Variants in CCDC18 observed in about 807,000 individuals in gnomAD.
The protein encoded by CCDC18 is coiled-coil domain containing 18.
Under a neutral mutation model 196.0 loss-of-function variants are expected in CCDC18, and 157 were observed. The observed-to-expected ratio is 0.80, with a 90% CI of 0.70 to 0.91. The LOEUF is 0.91. Among genes scored for constraint, CCDC18 ranks in the 40% least tolerant of loss-of-function variants. CCDC18 has a pLI of 0.00. For missense variants in CCDC18, 1,465 were observed against 1,611.6 expected (o/e 0.91, Z 1.56); for synonymous variants, 482 against 529.2 (o/e 0.91, Z 1.22).
rs934372233 is a variant in CCDC18 at position 93,182,284 on chromosome 1, G to C, written c.-2-1076G>C. On this transcript the variant is annotated intron_variant, in intron 1 of 28. Coordinates refer to ENST00000690025, the MANE Select transcript of CCDC18 (RefSeq NM_001378204.1). ...CCCTACATCTGAGAATTTTTGAGTG[G>C]GGAATAAATGTAACATACCATTCTA... is the stretch of plus-strand genomic sequence containing the variant. 3.9e-5 allele frequency among the ~76,000 whole-genome samples: 6 copies of C among 152,152 alleles called. No individual in the cohort carries two copies. In the South Asian group the frequency reaches 1.2e-3, roughly 32 times the overall value.
intron 28 of CCDC18, 24 bp downstream of exon 28, chr1:93,270,838 C>G (rs1665194877): frequency 2.1e-6 from 3 of 1,396,990 alleles, no homozygotes; most frequent in Middle Eastern, 2.5e-4. Flanking sequence ...ACACTGTAAA[C>G]TGTAATAATT....
At chr1:93,222,655 T>C (rs182528423) in intron 16 of CCDC18, among the ~76,000 whole-genome samples, 270 of 152,318 alleles carry the variant, frequency 1.8e-3, no homozygotes, top group Non-Finnish European at 2.8e-3. Flanking sequence ...CCAGGTTATT[T>C]AACTCTTTGA....
chr1:93,225,316 G>C (rs1392708028), intron 16 of CCDC18, among the ~76,000 whole-genome samples: 3 of 152,196 alleles, frequency 2.0e-5, no homozygotes, highest in Non-Finnish European at 4.4e-5. Flanking sequence ...AATTTGAGTT[G>C]CTCTTTGGTA....
chr1:93,207,313 A>G lies in CCDC18; in HGVS notation c.1124A>G (p.Asn375Ser), dbSNP rs958260544. 3.1e-6 allele frequency: 5 copies of G among 1,613,560 alleles called. No individual in the cohort carries two copies. Among genetic ancestry groups the G allele is most frequent in the Non-Finnish European group, 3.4e-6 (4 of 1,179,622 alleles). The change falls in exon 9 of 29, where the codon AAT (asparagine) becomes AGT (serine). Residue 375 changes from asparagine (N) to serine (S), a missense_variant. Coordinates refer to ENST00000690025, the MANE Select transcript of CCDC18 (RefSeq NM_001378204.1). ...TTAAAGGTCCGTGTTGCAGCACAGA[A>G]TGAGCGACTAGATTTATGTCAACAA... ...RELKVRVAAQNERLDLCQQEI... is the reference protein window; with the variant it reads ...RELKVRVAAQSERLDLCQQEI...
At chr1:93,241,040 C>T (rs896412320) in intron 21 of CCDC18, among the ~76,000 whole-genome samples, 1 of 152,112 alleles carries the variant, frequency 6.6e-6, no homozygotes, top group African/African-American at 2.4e-5. Context: ...TCACTGCAGC[C>T]TCCACCTCCT....
At chr1:93,224,680 A>T (rs1391931440) in intron 16 of CCDC18, among the ~76,000 whole-genome samples, 1 of 152,236 alleles carries the variant, frequency 6.6e-6, no homozygotes, top group Non-Finnish European at 1.5e-5. Flanking sequence ...TAATTAGCAA[A>T]CTAACTTTGG....
rs958145384 is a variant in CCDC18, at chr1:93,186,422, T to G, written c.381T>G (p.Asn127Lys). 1.1e-4 allele frequency: 184 copies of G among 1,612,158 alleles called. No individual in the cohort carries two copies. Among genetic ancestry groups the G allele is most frequent in the Non-Finnish European group, 1.5e-4 (178 of 1,178,776 alleles). Residue 127 changes from asparagine (N) to lysine (K), a missense_variant, in exon 4 of 29, where the codon AAT (asparagine) becomes AAG (lysine). Physicochemically the swap from Asn to Lys is moderately conservative, Grantham distance 94. Coordinates refer to ENST00000690025, the MANE Select transcript of CCDC18 (RefSeq NM_001378204.1). The stretch of plus-strand genomic sequence containing the variant: ...AACTAAATAAACTTAGGCAACAGAA[T>G]GCTTGTTTGGTCACACAGAATCATT... ...REKLNKLRQQNACLVTQNHSL... is the reference protein window; with the variant it reads ...REKLNKLRQQKACLVTQNHSL...
intron 4 of CCDC18, among the ~76,000 whole-genome samples, chr1:93,188,057 T>C (rs1651021770): frequency 6.6e-6 from 1 of 152,182 alleles, no homozygotes; most frequent in South Asian, 2.1e-4. Context: ...CTAATAGCAT[T>C]TTGAACCTTT....
In CCDC18 at chr1:93,258,796, C is replaced by A. The variant is rs183806092; in HGVS notation, c.3595C>A (p.Arg1199Ser). 2.5e-6 allele frequency: 4 copies of A among 1,591,630 alleles called. No homozygotes were observed. The highest frequency in any genetic ancestry group is 3.4e-6 in the Non-Finnish European group (4 of 1,169,332). ...LAEELGASKV[R>S]EAHLEARMQA... ...TGAAGAACTGGGGGCTTCTAAAGTA[C>A]GTGAAGCTCATTTAGAAGCAAGAAT... The change falls in exon 26 of 29, where the codon CGT becomes AGT. Residue 1199 changes from arginine to serine, a missense_variant. Coordinates refer to ENST00000690025, the MANE Select transcript of CCDC18 (RefSeq NM_001378204.1).
chr1:93,203,909 G>T (rs1654271869), intron 7 of CCDC18, among the ~76,000 whole-genome samples: 1 of 152,160 alleles, frequency 6.6e-6, no homozygotes, highest in Non-Finnish European at 1.5e-5. Context: ...GGAGTCATTG[G>T]ATACTTTGTA....
chr1:93,223,900 TAC>T (rs60165485), intron 16 of CCDC18, among the ~76,000 whole-genome samples: 30,946 of 140,932 alleles, frequency 0.22, 3,744 homozygotes, highest in East Asian at 0.33. Flanking sequence ...CATTTATTTA[TAC>T]ACACACACAC....
At chr1:93,273,295 C>T (rs892304014) in intron 28 of CCDC18, among the ~76,000 whole-genome samples, 5 of 152,194 alleles carry the variant, frequency 3.3e-5, no homozygotes, top group African/African-American at 1.2e-4. Context: ...GTCTCGATCT[C>T]CTGACCTCGT....
At chr1:93,230,482 A>C (rs1390124005) in intron 17 of CCDC18, among the ~76,000 whole-genome samples, 1 of 150,096 alleles carries the variant, frequency 6.7e-6, no homozygotes, top group Non-Finnish European at 1.5e-5. Flanking sequence ...GCAAAGGAAG[A>C]CTCCATCTCA....
chr1:93,186,528 CA>C, intron 4 of CCDC18, 25 bp downstream of exon 4: 1 of 1,551,916 alleles, frequency 6.4e-7, no homozygotes, highest in South Asian at 1.2e-5. Context: ...ATAAGTTTGC[CA>C]ACAGAAAATA....
chr1:93,221,131 T>G (rs1042379647), intron 14 of CCDC18, among the ~76,000 whole-genome samples: 5 of 152,222 alleles, frequency 3.3e-5, no homozygotes, highest in Non-Finnish European at 2.9e-5. Flanking sequence ...CTTACATTCC[T>G]TTGGGTATAT....
intron 23 of CCDC18, among the ~76,000 whole-genome samples, chr1:93,247,255 TC>T: frequency 6.6e-6 from 1 of 152,198 alleles, no homozygotes. Context: ...TTAAATTTCT[TC>T]CTAGATACTT....
intron 17 of CCDC18, among the ~76,000 whole-genome samples, chr1:93,226,926 T>C (rs913461696): frequency 6.6e-6 from 1 of 152,176 alleles, no homozygotes; most frequent in East Asian, 1.9e-4. Flanking sequence ...AACATTTCAA[T>C]GCAAAATAGA....
rs1649471708 is a variant in CCDC18 at position 93,180,840 on chromosome 1, G to A, written c.-15G>A. 10 of 1,367,642 alleles carry A rather than the reference G, an allele frequency of 7.3e-6. No individual in the cohort carries two copies. The highest frequency in any genetic ancestry group is 9.8e-6 in the Non-Finnish European group (10 of 1,022,004). The allele number at this position is 1,367,642 out of a possible 1,614,324, so 84.7% of individuals were successfully genotyped here. Reference sequence around the variant, plus strand: ...CCTAACGCAGACTCGAGTGCGAAGCGCGCAGTCGCCGGGTGGGTCTCTCCC... The same window carrying A: ...CCTAACGCAGACTCGAGTGCGAAGCACGCAGTCGCCGGGTGGGTCTCTCCC... On this transcript the variant is annotated 5_prime_UTR_variant, in exon 1 of 29. Transcript: ENST00000690025.
chr1:93,215,209 A>T, intron 12 of CCDC18, among the ~76,000 whole-genome samples: 1 of 152,190 alleles, frequency 6.6e-6, no homozygotes, highest in East Asian at 1.9e-4. Context: ...ATTTGGTGGA[A>T]ATAATATTGC....
Sources: allele counts gnomAD v4.1 joint callset (sites outside exome capture counted in the v4.1 genomes callset), GRCh38; gene constraint gnomAD v4.1.1; transcripts MANE v1.5; gene names NCBI Gene and HGNC (gene_info 2026-07-23, HGNC 2026-07-21).